TMEM236: variants seen among roughly 807,000 people sequenced by gnomAD.
TMEM236 encodes family with sequence similarity 23, member A.
In TMEM236, 11 loss-of-function variants were observed where a neutral mutation model predicts 14.7. The ratio of observed to expected loss-of-function variants is 0.75; its 90% CI spans 0.47 to 1.24. The LOEUF is 1.24. Ranked by LOEUF, TMEM236 falls within the 50% of genes most tolerant of loss-of-function variation. The pLI is 0.00. For synonymous variants in TMEM236, 182 were observed against 168.6 expected, an observed-to-expected ratio of 1.08 and a Z score of -0.62; for missense variants, 464 against 427.3, an observed-to-expected ratio of 1.09 and a Z score of -0.76.
chr10:17,779,531 C>T lies in TMEM236; in HGVS notation c.472+3361C>T, dbSNP rs1044187787. 9.2e-5 allele frequency among the ~76,000 whole-genome samples: 14 copies of T among 152,252 alleles called. No homozygotes were observed. The East Asian group carries it at 2.1e-3, about 23-fold the overall frequency. On this transcript the variant is annotated intron_variant, in intron 3 of 3. Transcript: ENST00000377495. ...AGAGTCTTGATCCTCCTGCCTCAGC[C>T]TCCCAAGTAGCTGGGAATACAGGAG...
chr10:17,764,976 C>A (rs1837438896), intron 1 of TMEM236, among the ~76,000 whole-genome samples: 4 of 151,894 alleles, frequency 2.6e-5, no homozygotes, highest in Non-Finnish European at 4.4e-5. Context: ...CGCGCACTAC[C>A]ATGCCAAGCT....
chr10:17,752,712 G>A (rs1309900395), intron 1 of TMEM236, among the ~76,000 whole-genome samples, 160 bp downstream of exon 1: 1 of 151,934 alleles, frequency 6.6e-6, no homozygotes, highest in African/African-American at 2.4e-5. Context: ...GATTACAGTC[G>A]CACACCACCA....
In TMEM236 at chr10:17,796,250, C is replaced by T; in HGVS notation, c.802C>T (p.Pro268Ser). The change falls in exon 4 of 4, where the codon CCA becomes TCA. Residue 268 changes from proline to serine, a missense_variant. Transcript: ENST00000377495. Reference sequence around the variant, plus strand: ...CGTGTACAAGTCAAGCTGGCTATACCCAGTCTACATATTCAGTTTTATTTC... The same window carrying T: ...CGTGTACAAGTCAAGCTGGCTATACTCAGTCTACATATTCAGTTTTATTTC... Reference protein sequence around the residue: ...PNVYKSSWLYPVYIFSFISLL... With the variant: ...PNVYKSSWLYSVYIFSFISLL... 1 of 1,613,892 alleles carries T rather than the reference C, an allele frequency of 6.2e-7. No homozygotes were observed. The highest frequency in any genetic ancestry group is 8.5e-7 in the Non-Finnish European group (1 of 1,179,866).
At chr10:17,754,029 C>G (rs920754674) in intron 1 of TMEM236, among the ~76,000 whole-genome samples, 117 of 152,254 alleles carry the variant, frequency 7.7e-4, no homozygotes, top group African/African-American at 2.5e-3. Flanking sequence ...GTCATTTATA[C>G]TGAGTGATAA....
intron 1 of TMEM236, among the ~76,000 whole-genome samples, chr10:17,759,238 A>G (rs1837322887): frequency 6.6e-6 from 1 of 152,204 alleles, no homozygotes; most frequent in South Asian, 2.1e-4. Flanking sequence ...ATATCAGTAG[A>G]TGTGTGATAA....
At chr10:17,790,933 G>A (rs1157042504) in intron 3 of TMEM236, among the ~76,000 whole-genome samples, 9 of 152,190 alleles carry the variant, frequency 5.9e-5, no homozygotes, top group South Asian at 2.1e-4. Flanking sequence ...CCTCACATTC[G>A]CCTCTAAGTT....
At chr10:17,772,616 C>T (rs929399913) in intron 2 of TMEM236, among the ~76,000 whole-genome samples, 6 of 151,786 alleles carry the variant, frequency 4.0e-5, no homozygotes, top group Non-Finnish European at 8.8e-5. Flanking sequence ...TAATTTTCAC[C>T]GAAGTATAAC....
chr10:17,772,688 C>A (rs1042754620), intron 2 of TMEM236, among the ~76,000 whole-genome samples: 3,816 of 152,268 alleles, frequency 0.025, 157 homozygotes, highest in African/African-American at 0.087. Flanking sequence ...CACAAAGCAA[C>A]CCCCTGGGTA....
chr10:17,753,132 G>A (rs1837233470), intron 1 of TMEM236, among the ~76,000 whole-genome samples: 1 of 151,996 alleles, frequency 6.6e-6, no homozygotes, highest in Non-Finnish European at 1.5e-5. Flanking sequence ...GACCTCAAAT[G>A]ATCCACCCAT....
intron 3 of TMEM236, among the ~76,000 whole-genome samples, chr10:17,783,985 G>C (rs1837795680): frequency 6.6e-6 from 1 of 150,974 alleles, no homozygotes; most frequent in Non-Finnish European, 1.5e-5. Flanking sequence ...TCTATAAATA[G>C]TAAGGCTGTT....
At chr10:17,775,778 G>T (rs1466167802) in intron 2 of TMEM236, among the ~76,000 whole-genome samples, 1 of 152,152 alleles carries the variant, frequency 6.6e-6, no homozygotes, top group African/African-American at 2.4e-5. Flanking sequence ...GCCCACTACT[G>T]TTTTTTGCAT....
At chr10:17,763,042 G>A (rs1438006295) in intron 1 of TMEM236, among the ~76,000 whole-genome samples, 3 of 152,100 alleles carry the variant, frequency 2.0e-5, no homozygotes, top group South Asian at 2.1e-4. Flanking sequence ...TCCATCCTCA[G>A]GGACTCTGTA....
chr10:17,763,293 C>A (rs1188262685), intron 1 of TMEM236, among the ~76,000 whole-genome samples: 5 of 151,558 alleles, frequency 3.3e-5, no homozygotes, highest in African/African-American at 1.2e-4. Flanking sequence ...CTCTACAGGA[C>A]GTTAAAAAAA....
chr10:17,786,260 A>G (rs782131898), intron 3 of TMEM236, among the ~76,000 whole-genome samples: 2,039 of 152,366 alleles, frequency 0.013, 16 homozygotes, highest in Admixed American at 0.016. Context: ...ATTATGGACC[A>G]GTTTGACATT....
In TMEM236 at chr10:17,796,512, A is replaced by G. The variant is rs1194736764; in HGVS notation, c.*8A>G. On this transcript the variant is annotated 3_prime_UTR_variant, in exon 4 of 4. Coordinates refer to ENST00000377495, the MANE Select transcript of TMEM236 (RefSeq NM_001098844.3). ...GAAATGTCTCCATTTTAAAAAGGAA[A>G]TGGGATCTAGTAAGGCCTCTTTGTG... The G allele has an allele frequency of 6.2e-7, 1 of 1,601,376 alleles. No homozygotes were observed. Among genetic ancestry groups the G allele is most frequent in the African/African-American group, 1.3e-5 (1 of 74,506 alleles).
At chr10:17,758,586 G>T (rs1374060461) in intron 1 of TMEM236, among the ~76,000 whole-genome samples, 2 of 152,158 alleles carry the variant, frequency 1.3e-5, no homozygotes, top group Non-Finnish European at 2.9e-5. Context: ...AAGATCATGC[G>T]TGTAAAGTTC....
At chr10:17,780,691 G>T (rs1332302825) in intron 3 of TMEM236, among the ~76,000 whole-genome samples, 1 of 152,164 alleles carries the variant, frequency 6.6e-6, no homozygotes. Context: ...CAGTGTTGTT[G>T]TCTGGGGTAG....
intron 3 of TMEM236, among the ~76,000 whole-genome samples, chr10:17,786,165 A>G (rs975568180): frequency 3.9e-5 from 6 of 152,364 alleles, no homozygotes; most frequent in South Asian, 2.1e-4. Context: ...TTGGAAACAA[A>G]TATTTCAGGG....
At chr10:17,788,300 A>G (rs928565343) in intron 3 of TMEM236, among the ~76,000 whole-genome samples, 1 of 151,614 alleles carries the variant, frequency 6.6e-6, no homozygotes, top group Non-Finnish European at 1.5e-5. Context: ...GGACCACAAT[A>G]TGAATGAAAA....
Sources: gnomAD v4.1 joint callset for allele counts (sites outside exome capture counted in the v4.1 genomes callset) on GRCh38, gnomAD v4.1.1 for gene constraint, MANE v1.5 for transcripts, NCBI Gene and HGNC (gene_info 2026-07-23, HGNC 2026-07-21) for gene names.